KIAA0040: variants seen among roughly 807,000 people sequenced by gnomAD.
KIAA0040 encodes KIAA0040.
Under a neutral mutation model 7.2 loss-of-function variants are expected in KIAA0040, and 10 were observed. The ratio of observed to expected loss-of-function variants is 1.38; its 90% CI spans 0.85 to 2.34. The LOEUF (loss-of-function observed/expected upper bound fraction) is 2.34. Ranked by LOEUF, KIAA0040 falls within the 30% of genes most tolerant of loss-of-function variation. The probability of loss-of-function intolerance (pLI) is 0.00; values close to 1 mark genes in which losing one functional copy is unlikely to be tolerated. For missense variants in KIAA0040, 89 were observed against 108.2 expected, an observed-to-expected ratio of 0.82 and a Z score of 0.79; for synonymous variants, 49 against 40.1, an observed-to-expected ratio of 1.22 and a Z score of -0.84.
At chr1:175,172,049 C>G (rs1421587439) in intron 2 of KIAA0040, among the ~76,000 whole-genome samples, 1 of 152,196 alleles carries the variant, frequency 6.6e-6, no homozygotes, top group Non-Finnish European at 1.5e-5. Context: ...TATGGAAGGT[C>G]TGGAATCTCC....
chr1:175,161,664 G>A (rs1676549742), intron 3 of KIAA0040, among the ~76,000 whole-genome samples: 1 of 152,052 alleles, frequency 6.6e-6, no homozygotes, highest in African/African-American at 2.4e-5. Context: ...AGGGAACCTG[G>A]GTCTCCTCTG....
At chr1:175,188,148 G>A (rs1677735091) in intron 1 of KIAA0040, among the ~76,000 whole-genome samples, 1 of 152,186 alleles carries the variant, frequency 6.6e-6, no homozygotes, top group South Asian at 2.1e-4. Context: ...GCTCACAATC[G>A]TGGGAGCAAG....
In KIAA0040 at chr1:175,160,903, G is replaced by A; in HGVS notation, c.111C>T (p.Leu37=). ...ICLGVLLGLP[L]LVIITLLFIC... is the part of the protein sequence containing the mutation. ...TGAAGAGGAGTGTGATGATCACCAA[G>A]AGTGGCAGGCCCAGGAGGACTCCCA... Residue 37 remains leucine, a synonymous_variant, in exon 4 of 4, where the codon CTC becomes CTT. Transcript: ENST00000423313. 1 of 1,551,610 alleles carries A rather than the reference G, an allele frequency of 6.4e-7. No homozygotes were observed. Among genetic ancestry groups the A allele is most frequent in the Non-Finnish European group, 8.7e-7 (1 of 1,146,990 alleles).
chr1:175,183,489 T>C (rs1677527201), intron 1 of KIAA0040, among the ~76,000 whole-genome samples: 1 of 151,998 alleles, frequency 6.6e-6, no homozygotes, highest in Non-Finnish European at 1.5e-5. Flanking sequence ...AGGTGATGGG[T>C]TGGGATAGCA....
rs530352046 is a variant in KIAA0040, at chr1:175,158,152, A to G, written c.*2562T>C. The stretch of plus-strand genomic sequence containing the variant: ...ACAAAACGTTTAGGGCCTATCCTGC[A>G]CTGGGACTCCTCTAGTTACGCCAGG... On this transcript the variant is annotated 3_prime_UTR_variant, in exon 4 of 4. Transcript: ENST00000423313. 7.2e-5 allele frequency: 11 copies of G among 152,410 alleles called. No individual in the cohort carries two copies. The highest frequency in any genetic ancestry group is 2.4e-4 in the African/African-American group (10 of 41,586). 9.4% of individuals were successfully genotyped at this position (152,410 alleles called of 1,614,324 possible).
chr1:175,181,919 A>C (rs554592171), intron 1 of KIAA0040, among the ~76,000 whole-genome samples: 3 of 152,106 alleles, frequency 2.0e-5, no homozygotes, highest in Non-Finnish European at 4.4e-5. Context: ...GAGGCCTCCA[A>C]CCTCCCGATG....
At chr1:175,179,721 T>C (rs1240952395) in intron 1 of KIAA0040, among the ~76,000 whole-genome samples, 1 of 152,258 alleles carries the variant, frequency 6.6e-6, no homozygotes, top group East Asian at 1.9e-4. Flanking sequence ...TAAAGGCTTC[T>C]GAAAACATTT....
chr1:175,160,812 TC>T lies in KIAA0040; in HGVS notation c.201del (p.Lys68ArgfsTer34), dbSNP rs780679146. On this transcript the variant is annotated frameshift_variant, in exon 4 of 4. Transcript: ENST00000423313. LOFTEE classifies it high-confidence loss of function. ...KRGQQPEKNK[K>X]KKKKKKKKDE... ...TCCTTCTTCTTCTTCTTCTTCTTCT[TC>T]TTCTTGTTCTTCTCTGGCTGCTGGC... The T allele has an allele frequency of 4.9e-4, 286 of 578,708 alleles. 1 individual carries two copies. The highest frequency in any genetic ancestry group is 6.3e-4 in the African/African-American group (18 of 28,386). The allele number at this position is 578,708 out of a possible 1,614,324, so 35.8% of individuals were successfully genotyped here.
At chr1:175,167,652 G>C (rs925710609) in intron 2 of KIAA0040, among the ~76,000 whole-genome samples, 7 of 152,176 alleles carry the variant, frequency 4.6e-5, no homozygotes, top group African/African-American at 1.7e-4. Context: ...ACAGATGGGA[G>C]AGGGTGTAGG....
intron 2 of KIAA0040, among the ~76,000 whole-genome samples, chr1:175,167,122 G>A (rs1676795739): frequency 6.6e-6 from 1 of 152,186 alleles, no homozygotes; most frequent in African/African-American, 2.4e-5. Context: ...GAAACAGGGA[G>A]GTTAGGAAGG....
In KIAA0040 at chr1:175,161,144, CA is replaced by C; in HGVS notation, c.-132del. On this transcript the variant is annotated splice_region_variant and 5_prime_UTR_variant, in exon 4 of 4. Coordinates refer to ENST00000423313, the MANE Select transcript of KIAA0040 (RefSeq NM_014656.3). ...TTGGGTTTGGGCATGCCACTGGCAG[CA>C]CCTGAAGAGATTAAAACAGACAACT... 1 of 710,252 alleles carries C rather than the reference CA, an allele frequency of 1.4e-6. No homozygotes were observed. Among genetic ancestry groups the C allele is most frequent in the Non-Finnish European group, 2.3e-6 (1 of 427,906 alleles). 44.0% of individuals were successfully genotyped at this position (710,252 alleles called of 1,614,324 possible). A position where few individuals can be genotyped will look rare whatever the true frequency, so the allele number is the denominator to read the frequency against.
intron 2 of KIAA0040, among the ~76,000 whole-genome samples, chr1:175,174,202 T>TA (rs1004509520): frequency 1.3e-5 from 2 of 152,132 alleles, no homozygotes; most frequent in Non-Finnish European, 2.9e-5. Context: ...GCAGGGGGCT[T>TA]AAAAAATATA....
chr1:175,161,870 TTCC>T (rs1261047097), intron 3 of KIAA0040, among the ~76,000 whole-genome samples: 2 of 152,210 alleles, frequency 1.3e-5, no homozygotes, highest in African/African-American at 4.8e-5. Flanking sequence ...TACCTTCCTC[TTCC>T]TCATTACCCT....
At chr1:175,169,267 G>C (rs1359013776) in intron 2 of KIAA0040, among the ~76,000 whole-genome samples, 3 of 152,154 alleles carry the variant, frequency 2.0e-5, no homozygotes, top group Non-Finnish European at 1.5e-5. Flanking sequence ...GGCAGCTTTG[G>C]CCAAAGAGGG....
intron 1 of KIAA0040, among the ~76,000 whole-genome samples, chr1:175,192,103 G>C (rs550136687): frequency 1.3e-5 from 2 of 152,316 alleles, no homozygotes; most frequent in Admixed American, 1.3e-4. Context: ...GGACCACTGA[G>C]AGTCAAAGAA....
At chr1:175,177,937 T>C (rs545570751) in intron 1 of KIAA0040, among the ~76,000 whole-genome samples, 20 of 152,346 alleles carry the variant, frequency 1.3e-4, no homozygotes, top group African/African-American at 4.3e-4. Flanking sequence ...TTTAGAGTCA[T>C]AATTGGTATT....
intron 3 of KIAA0040, among the ~76,000 whole-genome samples, chr1:175,162,905 T>A (rs539124858): frequency 2.0e-5 from 3 of 152,350 alleles, no homozygotes; most frequent in African/African-American, 7.2e-5. Flanking sequence ...AGGATGACAA[T>A]AATAATTGTA....
At chr1:175,192,565 T>G (rs186239689) in intron 1 of KIAA0040, 75 bp downstream of exon 1, 12 of 152,340 alleles carry the variant, frequency 7.9e-5, no homozygotes, top group Admixed American at 7.2e-4. Flanking sequence ...CAGGAGTGAC[T>G]GGGCGTCTTC....
chr1:175,174,039 C>CCCG (rs1558395002), intron 2 of KIAA0040, among the ~76,000 whole-genome samples: 1 of 152,054 alleles, frequency 6.6e-6, no homozygotes, highest in Non-Finnish European at 1.5e-5. Flanking sequence ...ACCCCACACC[C>CCCG]CAGTCCCCAT....
Sources: gnomAD v4.1 joint callset for allele counts (sites outside exome capture counted in the v4.1 genomes callset) on GRCh38, gnomAD v4.1.1 for gene constraint, MANE v1.5 for transcripts, NCBI Gene and HGNC (gene_info 2026-07-23, HGNC 2026-07-21) for gene names.